OR7E24: variants seen among roughly 807,000 people sequenced by gnomAD.
The protein encoded by OR7E24 is olfactory receptor family 7 subfamily E member 24, also known as olfactory receptor 7E24.
For missense variants in OR7E24, 385 were observed against 410.3 expected (o/e 0.94, Z 0.53); for synonymous variants, 130 against 157.5 (o/e 0.83, Z 1.31).
At chr19:9,223,260 C>T in the OR7E24 span, among the ~76,000 whole-genome samples, 27 of 152,200 alleles carry the variant, frequency 1.8e-4, no homozygotes, top group Admixed American at 3.9e-4. Flanking sequence ...GCTGACCATT[C>T]GGACATTCCG....
At chr19:9,207,700 A>G in the OR7E24 span, 1 of 152,182 alleles carries the variant, frequency 6.6e-6, no homozygotes, top group Non-Finnish European at 1.5e-5. Flanking sequence ...TTTCTAAGCC[A>G]TTGTCTTTCT....
the OR7E24 span, among the ~76,000 whole-genome samples, chr19:9,226,964 G>T: frequency 1.3e-5 from 2 of 152,098 alleles, no homozygotes; most frequent in African/African-American, 4.8e-5. Flanking sequence ...GGTCATAGGG[G>T]TTTGTTGTAC....
the OR7E24 span, among the ~76,000 whole-genome samples, chr19:9,238,053 G>A: frequency 1.3e-5 from 2 of 152,034 alleles, no homozygotes; most frequent in African/African-American, 4.8e-5. Context: ...GAGGTGGGTG[G>A]ATCACTTGAG....
chr19:9,245,069 T>C (rs754924685), upstream of OR7E24, among the ~76,000 whole-genome samples: 87 of 151,682 alleles, frequency 5.7e-4, no homozygotes, highest in Non-Finnish European at 1.0e-3. Flanking sequence ...CAAAAAAAAT[T>C]AGCGGGCGGG....
upstream of OR7E24, among the ~76,000 whole-genome samples, chr19:9,242,801 A>T (rs1422221884): frequency 4.0e-5 from 6 of 151,794 alleles, no homozygotes; most frequent in East Asian, 9.7e-4. Flanking sequence ...CTTCTTTGTG[A>T]TTATTCCTTT....
upstream of OR7E24, among the ~76,000 whole-genome samples, chr19:9,244,424 T>C (rs1599232322): frequency 6.6e-6 from 1 of 152,306 alleles, no homozygotes; most frequent in South Asian, 2.1e-4. Context: ...ATTTTCCACA[T>C]GGGTGCCAAG....
the OR7E24 span, among the ~76,000 whole-genome samples, chr19:9,230,760 AT>A: frequency 6.6e-6 from 1 of 152,210 alleles, no homozygotes; most frequent in African/African-American, 2.4e-5. Flanking sequence ...CATGTAAAAA[AT>A]AATATTATTT....
At chr19:9,236,737 C>T in the OR7E24 span, among the ~76,000 whole-genome samples, 1 of 152,026 alleles carries the variant, frequency 6.6e-6, no homozygotes, top group Non-Finnish European at 1.5e-5. Flanking sequence ...TCTAACTTGA[C>T]ATTATAAAAC....
chr19:9,248,277 T>G (rs963873839), upstream of OR7E24, among the ~76,000 whole-genome samples: 4 of 152,162 alleles, frequency 2.6e-5, no homozygotes, highest in Non-Finnish European at 5.9e-5. Flanking sequence ...AGCTCTGTGT[T>G]TTGTATAGCT....
At chr19:9,233,582 C>T in the OR7E24 span, among the ~76,000 whole-genome samples, 1 of 152,160 alleles carries the variant, frequency 6.6e-6, no homozygotes, top group Non-Finnish European at 1.5e-5. Flanking sequence ...AGGAAGGAGT[C>T]ACAGGAATCT....
At chr19:9,212,925 T>A in the OR7E24 span, 1 of 152,160 alleles carries the variant, frequency 6.6e-6, no homozygotes, top group Non-Finnish European at 1.5e-5. Context: ...GAAAATTTTA[T>A]ATCACTGTTT....
At chr19:9,245,102 C>G (rs747975620), upstream of OR7E24, among the ~76,000 whole-genome samples, 1 of 152,126 alleles carries the variant, frequency 6.6e-6, no homozygotes, top group Non-Finnish European at 1.5e-5. Context: ...ATAGTCCCAG[C>G]TACTCAGGAG....
At chr19:9,239,855 C>T in the OR7E24 span, among the ~76,000 whole-genome samples, 2 of 151,862 alleles carry the variant, frequency 1.3e-5, no homozygotes, top group Non-Finnish European at 2.9e-5. Flanking sequence ...ATTACAGGCA[C>T]ATGCCACAGT....
chr19:9,244,443 T>C (rs888404900), upstream of OR7E24, among the ~76,000 whole-genome samples: 10 of 152,170 alleles, frequency 6.6e-5, no homozygotes, highest in African/African-American at 1.4e-4. Context: ...AGAACATTCA[T>C]TGGGAAAAAG....
At chr19:9,221,108 T>A in the OR7E24 span, among the ~76,000 whole-genome samples, 3 of 151,470 alleles carry the variant, frequency 2.0e-5, no homozygotes. Context: ...CCGTCCCTAC[T>A]AAAAATACAA....
chr19:9,250,519 C>T (rs561241595), upstream of OR7E24, among the ~76,000 whole-genome samples: 9 of 152,122 alleles, frequency 5.9e-5, no homozygotes, highest in Non-Finnish European at 8.8e-5. Context: ...AGTCAGAAAA[C>T]GTAAGAATGA....
chr19:9,236,056 C>T, the OR7E24 span: 16 of 1,575,478 alleles, frequency 1.0e-5, no homozygotes, highest in Non-Finnish European at 1.2e-5. Flanking sequence ...GGGGAGACTC[C>T]TTAGCAGGGC....
At chr19:9,227,779 A>T in the OR7E24 span, among the ~76,000 whole-genome samples, 1 of 100,192 alleles carries the variant, frequency 1.0e-5, no homozygotes. Context: ...TTTGAGACGG[A>T]GTCTCGCTCT....
chr19:9,235,880 G>C, the OR7E24 span: 1 of 1,607,422 alleles, frequency 6.2e-7, no homozygotes, highest in African/African-American at 1.3e-5. Flanking sequence ...TCTCACCTCT[G>C]TGTGGTCTCC....
Sources: gnomAD v4.1 joint callset for allele counts (sites outside exome capture counted in the v4.1 genomes callset) on GRCh38, gnomAD v4.1.1 for gene constraint, MANE v1.5 for transcripts, NCBI Gene and HGNC (gene_info 2026-07-23, HGNC 2026-07-21) for gene names.